The following XIRP2 variants were observed in gnomAD, a reference collection of about 807,000 sequenced individuals.
The protein encoded by XIRP2 is xin actin binding repeat containing 2.
Under a neutral mutation model 277.0 loss-of-function variants are expected in XIRP2, and 236 were observed. The observed-to-expected ratio is 0.85, with a 90% CI of 0.77 to 0.95. XIRP2 has a LOEUF of 0.95. Among genes scored for constraint, XIRP2 ranks in the 40% least tolerant of loss-of-function variants. The pLI is 0.00. For synonymous variants in XIRP2, 1,490 were observed against 1,416.5 expected, an observed-to-expected ratio of 1.05 and a Z score of -1.17; for missense variants, 4,640 against 4,157.5, an observed-to-expected ratio of 1.12 and a Z score of -3.19.
intron 6 of XIRP2, 120 bp downstream of exon 6, chr2:167,240,085 GTTTC>G (rs1226157054): frequency 1.2e-6 from 1 of 859,604 alleles, no homozygotes; most frequent in Non-Finnish European, 1.7e-6. Flanking sequence ...ACCTATCAGT[GTTTC>G]TTTCTCCACT....
At chr2:166,972,443 A>G (rs1025742111) in intron 2 of XIRP2, among the ~76,000 whole-genome samples, 7 of 152,152 alleles carry the variant, frequency 4.6e-5, no homozygotes, top group African/African-American at 1.7e-4. Flanking sequence ...AGTTTGAGCT[A>G]AACAGGAACT....
intron 2 of XIRP2, among the ~76,000 whole-genome samples, chr2:167,039,510 G>A (rs1688606287): frequency 1.3e-5 from 2 of 152,170 alleles, no homozygotes. Context: ...TCTGTCTAGA[G>A]GAAGTCATTC....
At chr2:166,931,431 C>T (rs1312383137) in intron 2 of XIRP2, among the ~76,000 whole-genome samples, 2 of 152,156 alleles carry the variant, frequency 1.3e-5, no homozygotes, top group Middle Eastern at 3.2e-3. Flanking sequence ...GCCAATAGCA[C>T]CTTACCCATA....
intron 2 of XIRP2, among the ~76,000 whole-genome samples, chr2:167,000,635 G>T (rs1687341179): frequency 6.6e-6 from 1 of 151,846 alleles, no homozygotes; most frequent in South Asian, 2.1e-4. Context: ...AATTCATTAG[G>T]TTTGAAAAGT....
Position 167,247,838 on chromosome 2 carries a change from A to G in XIRP2, c.6446A>G (p.Asn2149Ser), listed in dbSNP as rs765960958. Residue 2149 changes from asparagine to serine, a missense_variant, in exon 9 of 11, where the codon AAT becomes AGT. By Grantham distance (46) the Asn-to-Ser change is conservative. Coordinates refer to ENST00000409195, the MANE Select transcript of XIRP2 (RefSeq NM_152381.6). ...FHIKSPKKTK[N>S]IKILTDTQSS... The stretch of plus-strand genomic sequence containing the variant: ...ATAAAGAGTCCTAAAAAGACCAAAA[A>G]TATTAAAATATTAACTGATACACAA... The G allele has an allele frequency of 6.2e-7, 1 of 1,613,480 alleles. No homozygotes were observed. The highest frequency in any genetic ancestry group is 8.5e-7 in the Non-Finnish European group (1 of 1,179,682).
chr2:166,970,806 A>G (rs1170968700), intron 2 of XIRP2, among the ~76,000 whole-genome samples: 1 of 151,974 alleles, frequency 6.6e-6, no homozygotes, highest in African/African-American at 2.4e-5. Context: ...TGTAAAACCA[A>G]TTCTGAAGTT....
At chr2:167,162,535 C>A (rs143640176) in intron 3 of XIRP2, among the ~76,000 whole-genome samples, 1 of 152,116 alleles carries the variant, frequency 6.6e-6, no homozygotes, top group African/African-American at 2.4e-5. Flanking sequence ...TTCACTATCA[C>A]GAGAACAGCA....
chr2:167,046,937 A>AG (rs200632553), intron 2 of XIRP2, among the ~76,000 whole-genome samples: 4 of 151,966 alleles, frequency 2.6e-5, no homozygotes, highest in African/African-American at 7.2e-5. Context: ...AAAAGTTGAA[A>AG]GAAAAAAAAA....
intron 2 of XIRP2, among the ~76,000 whole-genome samples, chr2:167,097,391 G>A (rs1690353762): frequency 6.6e-6 from 1 of 151,634 alleles, no homozygotes; most frequent in Non-Finnish European, 1.5e-5. Flanking sequence ...GTTTTGTTTT[G>A]TTTTTCATTT....
chr2:167,130,468 C>A (rs1322734444), intron 2 of XIRP2, among the ~76,000 whole-genome samples: 1 of 152,070 alleles, frequency 6.6e-6, no homozygotes, highest in Non-Finnish European at 1.5e-5. Flanking sequence ...CCCTAGCTTT[C>A]ATTTTTTGGT....
At chr2:167,195,608 G>T (rs926271138) in intron 3 of XIRP2, among the ~76,000 whole-genome samples, 1 of 152,174 alleles carries the variant, frequency 6.6e-6, no homozygotes, top group Admixed American at 6.5e-5. Context: ...TGGAAGATGG[G>T]TCTGTGAAGA....
chr2:167,093,011 A>C (rs1356673850), intron 2 of XIRP2, among the ~76,000 whole-genome samples: 1 of 152,124 alleles, frequency 6.6e-6, no homozygotes, highest in Non-Finnish European at 1.5e-5. Flanking sequence ...TGTTGAAGTA[A>C]ACCATATTCG....
At chr2:167,234,781 G>T (rs1429384568) in intron 5 of XIRP2, among the ~76,000 whole-genome samples, 1 of 151,624 alleles carries the variant, frequency 6.6e-6, no homozygotes. Context: ...TTCCCTTAAT[G>T]TTATTTTCCT....
In XIRP2 at chr2:167,030,405, T is replaced by C. The variant is rs1688310766; in HGVS notation, c.409-105504T>C. Among the ~76,000 whole-genome samples, 9 of 152,278 alleles carry C rather than the reference T, an allele frequency of 5.9e-5. 1 individual carries two copies. The South Asian group carries it at 1.9e-3, about 32-fold the overall frequency. On this transcript the variant is annotated intron_variant, in intron 2 of 10. Coordinates refer to ENST00000409195, the MANE Select transcript of XIRP2 (RefSeq NM_152381.6). ...TTTATCTGGGCCGTAGATATTCTGG[T>C]ACACTGTGTCTTTGTTCTCATTGGG...
intron 2 of XIRP2, among the ~76,000 whole-genome samples, chr2:167,063,756 T>A (rs1279433672): frequency 1.3e-5 from 2 of 151,768 alleles, no homozygotes; most frequent in African/African-American, 2.4e-5. Context: ...TTTCTTTTTA[T>A]TTGTATTTTC....
rs1400564855 is a variant in XIRP2 at position 167,244,230 on chromosome 2, G to A, written c.2838G>A (p.Lys946=). The A allele has an allele frequency of 1.9e-6, 3 of 1,613,434 alleles. No homozygotes were observed. Among genetic ancestry groups the A allele is most frequent in the East Asian group, 2.2e-5 (1 of 44,832 alleles). ...KLEEVDRGDV[K]NYTHIFESNN... is the part of the protein sequence containing the mutation. ...AAGAAGTTGACAGAGGAGATGTGAA[G>A]AATTACACACATATCTTTGAATCAA... The change falls in exon 9 of 11, where the codon AAG becomes AAA. Residue 946 remains lysine, a synonymous_variant. Transcript: ENST00000409195.
chr2:167,027,313 A>G (rs538659550), intron 2 of XIRP2, among the ~76,000 whole-genome samples: 1 of 152,144 alleles, frequency 6.6e-6, no homozygotes, highest in South Asian at 2.1e-4. Context: ...TGAGGCTTCT[A>G]CATTCTTCAC....
intron 2 of XIRP2, among the ~76,000 whole-genome samples, chr2:167,080,757 C>T (rs531789936): frequency 3.3e-5 from 5 of 152,288 alleles, no homozygotes; most frequent in African/African-American, 1.2e-4. Context: ...TCCAATGGAA[C>T]GTTTCCCTAT....
chr2:166,973,890 C>T (rs1187882392), intron 2 of XIRP2, among the ~76,000 whole-genome samples: 2 of 151,984 alleles, frequency 1.3e-5, no homozygotes, highest in African/African-American at 4.8e-5. Flanking sequence ...ATATTTATTG[C>T]TAATGTTTGT....
Sources: allele counts gnomAD v4.1 joint callset (sites outside exome capture counted in the v4.1 genomes callset), GRCh38; gene constraint gnomAD v4.1.1; transcripts MANE v1.5; gene names NCBI Gene and HGNC (gene_info 2026-07-23, HGNC 2026-07-21).